The following BCL9L variants were observed in gnomAD, a reference collection of about 807,000 sequenced individuals.
BCL9L encodes BCL9 like.
Under a neutral mutation model 99.4 loss-of-function variants are expected in BCL9L, and 19 were observed. That is an observed-to-expected ratio of 0.19 (90% CI 0.13 to 0.28). The LOEUF (loss-of-function observed/expected upper bound fraction) is 0.28. BCL9L is among the 10% of genes least tolerant of loss of function. BCL9L has a pLI of 1.00. For synonymous variants in BCL9L, 900 were observed against 854.8 expected, an observed-to-expected ratio of 1.05 and a Z score of -0.92; for missense variants, 2,023 against 2,101.6, an observed-to-expected ratio of 0.96 and a Z score of 0.73.
Position 118,899,159 on chromosome 11 carries a change from C to A in BCL9L, c.3756G>T (p.Gln1252His). The A allele has an allele frequency of 6.7e-7, 1 of 1,496,286 alleles. No individual in the cohort carries two copies. The highest frequency in any genetic ancestry group is 2.2e-5 in the Admixed American group (1 of 45,890). 92.7% of individuals were successfully genotyped at this position (1,496,286 alleles called of 1,614,324 possible). Residue 1252 changes from glutamine (Q) to histidine (H), a missense_variant, in exon 10 of 10, where the codon CAG (glutamine) becomes CAT (histidine). By Grantham distance (24) the Gln-to-His change is conservative. Coordinates refer to ENST00000683865, the MANE Select transcript of BCL9L (RefSeq NM_001378213.1). The part of the protein sequence containing the change: ...TGGGGGGPGL[Q>H]QHYPSGMALP... ...GGGCCATGCCTGACGGGTAGTGCTG[C>A]TGCAGGCCAGGCCCCCCGCCCCCAC...
Position 118,925,780 on chromosome 11 carries a change from G to C in BCL9L, c.-673C>G, listed in dbSNP as rs2134451435. Among the ~76,000 whole-genome samples, 1 of 150,268 alleles carries C rather than the reference G, an allele frequency of 6.7e-6. No homozygotes were observed. Among genetic ancestry groups the C allele is most frequent in the African/African-American group, 2.4e-5 (1 of 41,284 alleles). On this transcript the variant is annotated 5_prime_UTR_variant, in exon 1 of 10. Transcript: ENST00000683865. The surrounding 1 kb of genome is among the most constrained non-coding windows in gnomAD (Gnocchi z 6.4). ...AGGCGTGCGGGCGTCCGGCCGGCTG[G>C]CTCCGGGCGGCGGCGGTGGTGCAGC...
chr11:118,907,912 C>A (rs966178797), intron 4 of BCL9L, among the ~76,000 whole-genome samples: 2 of 152,210 alleles, frequency 1.3e-5, no homozygotes, highest in African/African-American at 4.8e-5. Context: ...CCAGTGCCTG[C>A]TCCCAAAGGG....
Position 118,902,035 on chromosome 11 carries a change from C to T in BCL9L, c.1708G>A (p.Asp570Asn). The T allele has an allele frequency of 6.2e-7, 1 of 1,613,930 alleles. No individual in the cohort carries two copies. Among genetic ancestry groups the T allele is most frequent in the Non-Finnish European group, 8.5e-7 (1 of 1,179,986 alleles). ...PPPPYHSKPG[D>N]QWPPGMGAQL... ...GCACCCATTCCAGGTGGCCACTGAT[C>T]CCCAGGCTTGCTGTGGTAAGGAGGC... The change falls in exon 8 of 10, where the codon GAT becomes AAT. Residue 570 changes from aspartate (D) to asparagine (N), a missense_variant. This residue lies in a region of BCL9L where 1,116 missense variants were observed against 1,194.6 expected (regional missense o/e 0.93). Coordinates refer to ENST00000683865, the MANE Select transcript of BCL9L (RefSeq NM_001378213.1). The surrounding 1 kb of genome is among the most constrained non-coding windows in gnomAD (Gnocchi z 7.8).
At chr11:118,919,533 G>C (rs1941084033) in intron 1 of BCL9L, among the ~76,000 whole-genome samples, 1 of 151,958 alleles carries the variant, frequency 6.6e-6, no homozygotes, top group South Asian at 2.1e-4. Flanking sequence ...CTGGTGGCTG[G>C]GCTCAGTTTG....
Position 118,898,304 on chromosome 11 carries a change from A to ACCCCCCCCCCCCCCCCCCCCC in BCL9L, c.*110_*111insGGGGGGGGGGGGGGGGGGGGG. 4 of 193,448 alleles carry ACCCCCCCCCCCCCCCCCCCCC rather than the reference A, an allele frequency of 2.1e-5. No individual in the cohort carries two copies. Among genetic ancestry groups the ACCCCCCCCCCCCCCCCCCCCC allele is most frequent in the East Asian group, 1.7e-4 (1 of 5,918 alleles). 12.0% of individuals were successfully genotyped at this position (193,448 alleles called of 1,614,324 possible). A position where few individuals can be genotyped will look rare whatever the true frequency, so the allele number is the denominator to read the frequency against. ...CCACTCCCTACACAAGCCCCCTCCC[A>ACCCCCCCCCCCCCCCCCCCCC]CCCCCTCCACCCCACCCCGCGACCC... is the stretch of plus-strand genomic sequence containing the variant. On this transcript the variant is annotated 3_prime_UTR_variant, in exon 10 of 10. Coordinates refer to ENST00000683865, the MANE Select transcript of BCL9L (RefSeq NM_001378213.1).
intron 1 of BCL9L, among the ~76,000 whole-genome samples, chr11:118,920,262 C>T (rs1250681975): frequency 1.3e-5 from 2 of 152,176 alleles, no homozygotes; most frequent in Admixed American, 1.3e-4. Context: ...ACTAACTCTG[C>T]TATCACCGTC....
At position 118,896,693 on chromosome 11, in the gene BCL9L, G is replaced by T. The variant is rs551674149; in HGVS notation, c.*1722C>A. 6.5e-6 allele frequency: 1 copy of T among 153,022 alleles called. No individual in the cohort carries two copies. Among genetic ancestry groups the T allele is most frequent in the South Asian group, 2.1e-4 (1 of 4,836 alleles). 9.5% of individuals were successfully genotyped at this position (153,022 alleles called of 1,614,324 possible). A position where few individuals can be genotyped will look rare whatever the true frequency, so the allele number is the denominator to read the frequency against. On this transcript the variant is annotated 3_prime_UTR_variant, in exon 10 of 10. Transcript: ENST00000683865. ...GACAGCACCAGGCTGGGAGAAGTGG[G>T]GCGAGTTCCCTTTGTATTACAGCTG...
Position 118,898,545 on chromosome 11 carries a change from C to A in BCL9L, c.4370G>T (p.Gly1457Val), listed in dbSNP as rs1362747616. Residue 1457 changes from glycine (G) to valine (V), a missense_variant, in exon 10 of 10, where the codon GGC becomes GTC. By Grantham distance (109) the Gly-to-Val change is moderately radical. This residue lies in a region of BCL9L where 902 missense variants were observed against 888.2 expected (regional missense o/e 1.02). Transcript: ENST00000683865. ...SQPPHMLSPQ[G>V]SLMGPPPQQN... ...CTGGGGCGGGGGGCCCATGAGGGAG[C>A]CCTGCGGGGAGAGCATGTGGGGCGG... is the stretch of plus-strand genomic sequence containing the variant. 6.2e-7 allele frequency: 1 copy of A among 1,603,528 alleles called. No homozygotes were observed. The highest frequency in any genetic ancestry group is 8.5e-7 in the Non-Finnish European group (1 of 1,173,726).
Position 118,896,497 on chromosome 11 carries a change from A to ACAGGGCC in BCL9L, c.*1911_*1917dup, listed in dbSNP as rs1344423140. On this transcript the variant is annotated 3_prime_UTR_variant, in exon 10 of 10. Coordinates refer to ENST00000683865, the MANE Select transcript of BCL9L (RefSeq NM_001378213.1). Reference sequence around the variant, plus strand: ...GGCCAGGGGTGGAGGGCTCAAGGGCACAGGGCCCAGGCTGAGGCAGGGCGG... The same window carrying ACAGGGCC: ...GGCCAGGGGTGGAGGGCTCAAGGGCACAGGGCCCAGGGCCCAGGCTGAGGCAGGGCGG... 2.0e-5 allele frequency: 3 copies of ACAGGGCC among 152,900 alleles called. No individual in the cohort carries two copies. The highest frequency in any genetic ancestry group is 7.2e-5 in the African/African-American group (3 of 41,426). 9.5% of individuals were successfully genotyped at this position (152,900 alleles called of 1,614,324 possible).
Position 118,898,317 on chromosome 11 carries a change from C to CCCCCCCCCA in BCL9L, c.*97_*98insTGGGGGGGG. 1.1e-6 allele frequency: 1 copy of CCCCCCCCCA among 949,848 alleles called. No individual in the cohort carries two copies. The highest frequency in any genetic ancestry group is 1.5e-6 in the Non-Finnish European group (1 of 683,752). 58.8% of individuals were successfully genotyped at this position (949,848 alleles called of 1,614,324 possible). ...AAGCCCCCTCCCACCCCCTCCACCC[C>CCCCCCCCCA]ACCCCGCGACCCAGGCCATCCCAAC... is the stretch of plus-strand genomic sequence containing the variant. On this transcript the variant is annotated 3_prime_UTR_variant, in exon 10 of 10. Transcript: ENST00000683865.
chr11:118,901,296 T>C lies in BCL9L; in HGVS notation c.2447A>G (p.Glu816Gly). 6.2e-7 allele frequency: 1 copy of C among 1,613,932 alleles called. No individual in the cohort carries two copies. Among genetic ancestry groups the C allele is most frequent in the South Asian group, 1.1e-5 (1 of 91,084 alleles). Residue 816 changes from glutamate (E) to glycine (G), a missense_variant, in exon 8 of 10, where the codon GAG becomes GGG. By Grantham distance (98) the Glu-to-Gly change is moderately conservative. Transcript: ENST00000683865. The surrounding 1 kb of genome is among the most constrained non-coding windows in gnomAD (Gnocchi z 6.6). ...LMGPQGLSPE[E>G]MARVRAQNSS... Reference sequence around the variant, plus strand: ...GTTCTGGGCCCGAACCCGGGCCATCTCCTCAGGACTGAGGCCCTGGGGCCC... The same window carrying C: ...GTTCTGGGCCCGAACCCGGGCCATCCCCTCAGGACTGAGGCCCTGGGGCCC...
At chr11:118,915,178 G>T (rs1940927453) in intron 2 of BCL9L, among the ~76,000 whole-genome samples, 1 of 151,810 alleles carries the variant, frequency 6.6e-6, no homozygotes, top group Non-Finnish European at 1.5e-5. Context: ...ATCACACCCT[G>T]CCCCTTCTCA....
At position 118,903,958 on chromosome 11, in the gene BCL9L, A is replaced by G. The variant is rs570093408; in HGVS notation, c.533-506T>C. Among the ~76,000 whole-genome samples the G allele has an allele frequency of 1.1e-3, 168 of 152,260 alleles. 1 individual carries two copies. The highest frequency in any genetic ancestry group is 1.6e-3 in the Non-Finnish European group (112 of 68,022). On this transcript the variant is annotated intron_variant, in intron 5 of 9. Transcript: ENST00000683865. The surrounding 1 kb of genome is among the most constrained non-coding windows in gnomAD (Gnocchi z 5.6). ...CACAAGCTGATGATCCAAATGATGG[A>G]TGGTTTTTCACTCTAGCCCCACCAC...
chr11:118,921,667 G>A lies in BCL9L; in HGVS notation c.-130-2788C>T, dbSNP rs1941144925. Among the ~76,000 whole-genome samples the A allele has an allele frequency of 6.6e-6, 1 of 152,164 alleles. No homozygotes were observed. Among genetic ancestry groups the A allele is most frequent in the African/African-American group, 2.4e-5 (1 of 41,420 alleles). ...CCAGGGCCAAGCAGGGAGGGCCTGG[G>A]CTGCAAAGGAGAGGCCTCTGCTTTT... On this transcript the variant is annotated intron_variant, in intron 1 of 9. Coordinates refer to ENST00000683865, the MANE Select transcript of BCL9L (RefSeq NM_001378213.1). The surrounding 1 kb of genome is among the most constrained non-coding windows in gnomAD (Gnocchi z 5.4).
intron 2 of BCL9L, among the ~76,000 whole-genome samples, chr11:118,912,390 G>A (rs1047417683): frequency 6.6e-5 from 10 of 152,178 alleles, no homozygotes; most frequent in African/African-American, 2.4e-4. Flanking sequence ...GAGCAGGTGC[G>A]AGTCACCTGA....
At chr11:118,906,008 A>C (rs935537238) in intron 5 of BCL9L, among the ~76,000 whole-genome samples, 1 of 152,062 alleles carries the variant, frequency 6.6e-6, no homozygotes, top group Non-Finnish European at 1.5e-5. Context: ...CAGGAGTTCA[A>C]GATCAGCCTG....
Position 118,901,967 on chromosome 11 carries a change from G to A in BCL9L, c.1776C>T (p.Leu592=), listed in dbSNP as rs1266409218. ...GCCCAGGAAAGGGAGGTCCGCCCCG[G>A]AGCTGCATGGGATCTTGAACATCCA... The part of the protein sequence containing the change: ...GPMDVQDPMQ[L]RGGPPFPGPR... Residue 592 remains leucine, a synonymous_variant, in exon 8 of 10, where the codon CTC becomes CTT. Coordinates refer to ENST00000683865, the MANE Select transcript of BCL9L (RefSeq NM_001378213.1). This position sits in a 1 kb window ranked among gnomAD's most constrained non-coding sequence, Gnocchi z 6.6. 53 of 1,612,796 alleles carry A rather than the reference G, an allele frequency of 3.3e-5. No homozygotes were observed. Among genetic ancestry groups the A allele is most frequent in the Non-Finnish European group, 4.5e-5 (53 of 1,179,704 alleles).
chr11:118,919,547 T>TG (rs1941084387), intron 1 of BCL9L, among the ~76,000 whole-genome samples: 2 of 151,896 alleles, frequency 1.3e-5, no homozygotes. Flanking sequence ...CAGTTTGTAC[T>TG]GGGGGGTCAA....
At chr11:118,917,784 A>T (rs1941008397) in intron 2 of BCL9L, among the ~76,000 whole-genome samples, 2 of 151,388 alleles carry the variant, frequency 1.3e-5, no homozygotes, top group Admixed American at 1.3e-4. Flanking sequence ...GCCCCGCCCA[A>T]CTCCAGTCCG....
Sources: allele counts gnomAD v4.1 joint callset (sites outside exome capture counted in the v4.1 genomes callset), GRCh38; gene constraint gnomAD v4.1.1; regional missense constraint gnomAD v4.1.1; non-coding constraint Gnocchi (gnomAD v3.1); transcripts MANE v1.5; gene names NCBI Gene and HGNC (gene_info 2026-07-23, HGNC 2026-07-21).